Variants in MARF1 observed in about 807,000 individuals in gnomAD.
MARF1 encodes meiosis regulator and mRNA stability factor 1.
Under a neutral mutation model 168.2 loss-of-function variants are expected in MARF1, and 24 were observed. The ratio of observed to expected loss-of-function variants is 0.14; its 90% CI spans 0.10 to 0.20. The LOEUF (loss-of-function observed/expected upper bound fraction) is 0.20. Ranked by LOEUF, MARF1 falls within the 10% of genes least tolerant of loss-of-function variation. The pLI is 1.00. For missense variants in MARF1, 1,744 were observed against 2,143.6 expected, an observed-to-expected ratio of 0.81 and a Z score of 3.68; for synonymous variants, 868 against 822.4, an observed-to-expected ratio of 1.06 and a Z score of -0.95.
chr16:15,600,616 G>T, intron 24 of MARF1, 25 bp downstream of exon 24: 2 of 1,614,054 alleles, frequency 1.2e-6, no homozygotes, highest in Non-Finnish European at 1.7e-6. Flanking sequence ...TTTTTTAAGG[G>T]GGGAGGGGAT....
At chr16:15,629,065 C>T (rs1232919411) in intron 7 of MARF1, among the ~76,000 whole-genome samples, 7 of 148,652 alleles carry the variant, frequency 4.7e-5, no homozygotes, top group African/African-American at 1.5e-4. Context: ...AACAGAGTCT[C>T]GCTCTGTCGA....
intron 12 of MARF1, among the ~76,000 whole-genome samples, chr16:15,621,075 T>A (rs1285982095): frequency 6.6e-6 from 1 of 151,648 alleles, no homozygotes; most frequent in Non-Finnish European, 1.5e-5. Context: ...TTTTCTTCAA[T>A]AAGCATCATT....
In MARF1 at chr16:15,613,701, A is replaced by AATAAT. The variant is rs1236672159; in HGVS notation, c.3254-925_3254-924insATTAT. ...TAAATAAATAAATAAAATAAAATAAAATAAAATAAAAAGTGGAGGCTTGTG... is the reference window on the plus strand; with the variant it reads ...TAAATAAATAAATAAAATAAAATAAAATAATATAAAATAAAAAGTGGAGGCTTGTG... On this transcript the variant is annotated intron_variant, in intron 16 of 26. Coordinates refer to ENST00000396368, the MANE Select transcript of MARF1 (RefSeq NM_014647.4). Among the ~76,000 whole-genome samples, 1,144 of 151,178 alleles carry AATAAT rather than the reference A, an allele frequency of 7.6e-3. 8 individuals are homozygous for AATAAT. The highest frequency in any genetic ancestry group is 0.011 in the Non-Finnish European group (747 of 67,768).
At position 15,615,989 on chromosome 16, in the gene MARF1, T is replaced by C. The variant is rs768986269; in HGVS notation, c.3094A>G (p.Ile1032Val). Residue 1032 changes from isoleucine to valine, a missense_variant, in exon 16 of 27, where the codon ATT (isoleucine) becomes GTT (valine). Physicochemically the swap from Ile to Val is conservative, Grantham distance 29 (BLOSUM62 3). Coordinates refer to ENST00000396368, the MANE Select transcript of MARF1 (RefSeq NM_014647.4). ...ACTTCTAGATCGCCAAACTCTGCAA[T>C]GTAACAATCTGGAAAGCTGAAATAG... is the stretch of plus-strand genomic sequence containing the variant. ...VPLLSFPDCYIAEFGDLEVVQ... is the reference protein window; with the variant it reads ...VPLLSFPDCYVAEFGDLEVVQ... 4 of 1,510,274 alleles carry C rather than the reference T, an allele frequency of 2.6e-6. No homozygotes were observed. The highest frequency in any genetic ancestry group is 3.6e-6 in the Non-Finnish European group (4 of 1,124,124). The allele number at this position is 1,510,274 out of a possible 1,614,324, so 93.6% of individuals were successfully genotyped here. A position where few individuals can be genotyped will look rare whatever the true frequency, so the allele number is the denominator to read the frequency against.
At chr16:15,614,150 G>T (rs568699395) in intron 16 of MARF1, among the ~76,000 whole-genome samples, 1 of 152,014 alleles carries the variant, frequency 6.6e-6, no homozygotes, top group Admixed American at 6.6e-5. Flanking sequence ...GCATTAAGTG[G>T]TATTTCCTTC....
At chr16:15,613,193 A>T (rs930854944) in intron 16 of MARF1, among the ~76,000 whole-genome samples, 10 of 152,316 alleles carry the variant, frequency 6.6e-5, no homozygotes, top group African/African-American at 2.2e-4. Context: ...AGCAAAATTA[A>T]TCCATAGTGG....
In MARF1 at chr16:15,636,076, G is replaced by A. The variant is rs780545473; in HGVS notation, c.411C>T (p.Asp137=). 2 of 1,614,248 alleles carry A rather than the reference G, an allele frequency of 1.2e-6. No individual in the cohort carries two copies. The highest frequency in any genetic ancestry group is 2.2e-5 in the East Asian group (1 of 44,886). ...SSLIHPGALL[D]SQSTRTITCQ... ...ACGTGATTGTCCTGGTGCTTTGCGA[G>A]TCTAACAGTGCGCCCGGGTGAATCA... The change falls in exon 3 of 27, where the codon GAC becomes GAT. Residue 137 remains aspartate (D), a synonymous_variant. Transcript: ENST00000396368.
chr16:15,642,735 G>A (rs1484286723), intron 1 of MARF1, among the ~76,000 whole-genome samples: 1 of 152,158 alleles, frequency 6.6e-6, no homozygotes, highest in African/African-American at 2.4e-5. Context: ...TTCACTCCTG[G>A]AGGGCCCCAC....
chr16:15,611,125 G>C lies in MARF1; in HGVS notation c.3618-17C>G, dbSNP rs770948189. ...GAGAAACACCTAGGTTTTAACAACGGAAGTGGATACGGAATGAGTAGTATC... is the reference window on the plus strand; with the variant it reads ...GAGAAACACCTAGGTTTTAACAACGCAAGTGGATACGGAATGAGTAGTATC... On this transcript the variant is annotated splice_polypyrimidine_tract_variant and intron_variant, in intron 18 of 26. Transcript: ENST00000396368. 2 of 1,612,738 alleles carry C rather than the reference G, an allele frequency of 1.2e-6. No individual in the cohort carries two copies. The highest frequency in any genetic ancestry group is 1.7e-5 in the Admixed American group (1 of 59,944).
chr16:15,641,841 T>C (rs528575322), intron 1 of MARF1, among the ~76,000 whole-genome samples: 72 of 152,340 alleles, frequency 4.7e-4, no homozygotes, highest in African/African-American at 1.6e-3. Context: ...TTCAGGTGCC[T>C]GCACCCTGAA....
At chr16:15,613,137 C>T (rs1444882679) in intron 16 of MARF1, among the ~76,000 whole-genome samples, 1 of 152,126 alleles carries the variant, frequency 6.6e-6, no homozygotes, top group East Asian at 1.9e-4. Context: ...GTGGAACGTA[C>T]CTTTCCACAA....
rs1745294234 is a variant in MARF1 at position 15,595,646 on chromosome 16, T to C, written c.*1047A>G. On this transcript the variant is annotated 3_prime_UTR_variant, in exon 27 of 27. Transcript: ENST00000396368. ...ACGATTAAAAGATGCTGAGCTGACA[T>C]ACACACACATAAAGCTTCCCAGCTA... 3 of 152,196 alleles carry C rather than the reference T, an allele frequency of 2.0e-5. No individual in the cohort carries two copies. The highest frequency in any genetic ancestry group is 2.4e-5 in the African/African-American group (1 of 41,412). 9.4% of individuals were successfully genotyped at this position (152,196 alleles called of 1,614,324 possible).
chr16:15,605,512 G>C (rs146876014), intron 21 of MARF1, among the ~76,000 whole-genome samples: 1 of 151,948 alleles, frequency 6.6e-6, no homozygotes, highest in Non-Finnish European at 1.5e-5. Context: ...TCAACCAACC[G>C]ATACAAGTCC....
rs1243628504 is a variant in MARF1 at position 15,595,428 on chromosome 16, C to G, written c.*1265G>C. The G allele has an allele frequency of 1.3e-5, 2 of 152,624 alleles. No individual in the cohort carries two copies. Among genetic ancestry groups the G allele is most frequent in the Admixed American group, 6.5e-5 (1 of 15,282 alleles). The allele number at this position is 152,624 out of a possible 1,614,324, so 9.5% of individuals were successfully genotyped here. On this transcript the variant is annotated 3_prime_UTR_variant, in exon 27 of 27. Coordinates refer to ENST00000396368, the MANE Select transcript of MARF1 (RefSeq NM_014647.4). ...CTTACGCCAACAGGTTCTTTCTGCTCTATGAATGAATCCGCCTTTTTTGCC... is the reference window on the plus strand; with the variant it reads ...CTTACGCCAACAGGTTCTTTCTGCTGTATGAATGAATCCGCCTTTTTTGCC...
chr16:15,638,727 TTA>T (rs2151320736), intron 2 of MARF1, among the ~76,000 whole-genome samples: 1 of 152,288 alleles, frequency 6.6e-6, no homozygotes, highest in African/African-American at 2.4e-5. Flanking sequence ...CCTTCCTAGA[TTA>T]TAGACTCAAA....
At chr16:15,622,893 C>T in intron 11 of MARF1, 41 bp downstream of exon 11, 1 of 1,499,620 alleles carries the variant, frequency 6.7e-7, no homozygotes, top group Non-Finnish European at 9.0e-7. Context: ...GAGACTCCAT[C>T]AGAGAGTATA....
Position 15,611,663 on chromosome 16 carries a change from A to C in MARF1, c.3546T>G (p.Asp1182Glu). Reference protein sequence around the residue: ...HRAQVKRFTQDLLKLLKSQAS... With the variant: ...HRAQVKRFTQELLKLLKSQAS... ...CCTGGGATTTGAGAAGTTTTAGTAA[A>C]TCCTGAGTAAAGCGCTTCACCTGGG... The change falls in exon 18 of 27, where the codon GAT (aspartate) becomes GAG (glutamate). Residue 1182 changes from aspartate to glutamate, a missense_variant. Around this residue, in one of 7 missense-constraint regions of MARF1, gnomAD observed 543 missense variants for 742.1 expected, o/e 0.73. Transcript: ENST00000396368. 1 of 1,614,140 alleles carries C rather than the reference A, an allele frequency of 6.2e-7. No homozygotes were observed. Among genetic ancestry groups the C allele is most frequent in the Non-Finnish European group, 8.5e-7 (1 of 1,180,006 alleles).
chr16:15,601,966 C>A (rs1304309694), intron 23 of MARF1, 25 bp downstream of exon 23: 1 of 1,598,820 alleles, frequency 6.3e-7, no homozygotes, highest in African/African-American at 1.3e-5. Context: ...AAGATGCTCT[C>A]CCGGAAGCTG....
intron 18 of MARF1, 33 bp from the exon 19 acceptor site, chr16:15,611,141 G>A (rs370867005): frequency 6.2e-7 from 1 of 1,606,506 alleles, no homozygotes; most frequent in Non-Finnish European, 8.5e-7. Context: ...GATACGGAAT[G>A]AGTAGTATCA....
Sources: gnomAD v4.1 joint callset for allele counts (sites outside exome capture counted in the v4.1 genomes callset) on GRCh38, gnomAD v4.1.1 for gene constraint, gnomAD v4.1.1 regional missense constraint, MANE v1.5 for transcripts, NCBI Gene and HGNC (gene_info 2026-07-23, HGNC 2026-07-21) for gene names.